ZFHX3: variants seen among roughly 807,000 people sequenced by gnomAD.
ZFHX3 encodes the protein zinc finger homeobox 3, also known as zinc finger homeobox protein 3.
ZFHX3 carries 42 observed loss-of-function variants against 279.1 expected under a neutral mutation model. That is an observed-to-expected ratio of 0.15 (90% CI 0.12 to 0.19). ZFHX3 has a LOEUF of 0.19. ZFHX3 is among the 10% of genes least tolerant of loss of function. ZFHX3 has a pLI of 1.00. For missense variants in ZFHX3, 4,981 were observed against 4,754.0 expected, an observed-to-expected ratio of 1.05 and a Z score of -1.40; for synonymous variants, 2,293 against 1,957.8, an observed-to-expected ratio of 1.17 and a Z score of -4.52.
chr16:73,695,234 TTTTTTTTG>T (rs2053186338), intron 1 of ZFHX3, among the ~76,000 whole-genome samples: 2 of 78,658 alleles, frequency 2.5e-5, no homozygotes, highest in Admixed American at 3.3e-4. Context: ...CAAATACAGT[TTTTTTTTG>T]TTTTTTTTTT....
chr16:73,650,059 A>G (rs2052656321), intron 2 of ZFHX3, among the ~76,000 whole-genome samples: 1 of 152,162 alleles, frequency 6.6e-6, no homozygotes, highest in South Asian at 2.1e-4. Flanking sequence ...ATGTCTTGTG[A>G]AGACCATGGT....
chr16:73,448,312 A>C (rs1434538726), intron 3 of ZFHX3, among the ~76,000 whole-genome samples: 1 of 152,244 alleles, frequency 6.6e-6, no homozygotes, highest in Non-Finnish European at 1.5e-5. Flanking sequence ...TTTTAGTACT[A>C]TGCCGTAGAA....
At chr16:73,781,882 G>A (rs1463247253) in intron 1 of ZFHX3, among the ~76,000 whole-genome samples, 1 of 152,152 alleles carries the variant, frequency 6.6e-6, no homozygotes, top group Non-Finnish European at 1.5e-5. Context: ...AGCTACTCAG[G>A]AGGTTGAGGC....
At chr16:73,475,118 T>C (rs2018742563) in intron 2 of ZFHX3, among the ~76,000 whole-genome samples, 1 of 152,194 alleles carries the variant, frequency 6.6e-6, no homozygotes, top group Non-Finnish European at 1.5e-5. Context: ...TTTTGCTGAG[T>C]AGTTCTTCAG....
At chr16:73,839,349 A>AT (rs1470982716) in intron 1 of ZFHX3, among the ~76,000 whole-genome samples, 2 of 138,134 alleles carry the variant, frequency 1.4e-5, no homozygotes, top group African/African-American at 5.2e-5. Context: ...AAAAAAAAAA[A>AT]AAAAAAAAAA....
rs182879470 is a variant in ZFHX3, at chr16:73,246,494, C to A, written c.-1104+10553G>T. On this transcript the variant is annotated intron_variant, in intron 5 of 17. Transcript: ENST00000641206. The stretch of plus-strand genomic sequence containing the variant: ...AGCTGGGTCATCGCCAGCCATCGAA[C>A]CCCGAGGTGCTGGGTGGGCCAGGCT... Among the ~76,000 whole-genome samples, 38 of 152,284 alleles carry A rather than the reference C, an allele frequency of 2.5e-4. No homozygotes were observed. In the East Asian group the frequency reaches 6.4e-3, roughly 26 times the overall value.
At chr16:73,602,122 AC>A (rs1382318334) in intron 2 of ZFHX3, among the ~76,000 whole-genome samples, 1 of 152,210 alleles carries the variant, frequency 6.6e-6, no homozygotes, top group Non-Finnish European at 1.5e-5. Context: ...ACAGAGTGAG[AC>A]CTTGTCTCAA....
Position 72,889,876 on chromosome 16 carries a change from G to C in ZFHX3, c.3303C>G (p.Leu1101=), listed in dbSNP as rs375352831. ...TGGAGCGCACATGCTGGATGAGGTTGAGCTTGGCCTTGGTGGAGTAGTTGC... is the reference window on the plus strand; with the variant it reads ...TGGAGCGCACATGCTGGATGAGGTTCAGCTTGGCCTTGGTGGAGTAGTTGC... ...VLCNYSTKAK[L]NLIQHVRSMK... The change falls in exon 4 of 10, where the codon CTC becomes CTG. Residue 1101 remains leucine (L), a synonymous_variant. Coordinates refer to ENST00000268489, the MANE Select transcript of ZFHX3 (RefSeq NM_006885.4). The C allele has an allele frequency of 6.2e-7, 1 of 1,614,190 alleles. No homozygotes were observed. Among genetic ancestry groups the C allele is most frequent in the Admixed American group, 1.7e-5 (1 of 60,034 alleles).
intron 1 of ZFHX3, among the ~76,000 whole-genome samples, chr16:73,784,806 T>TAC (rs1567409723): frequency 8.2e-6 from 1 of 121,736 alleles, no homozygotes; most frequent in African/African-American, 4.2e-5. Flanking sequence ...AATATATATA[T>TAC]ATATATATAT....
chr16:73,424,595 TTGGTGAGGCA>T (rs1013155761), intron 3 of ZFHX3, among the ~76,000 whole-genome samples: 28 of 150,830 alleles, frequency 1.9e-4, no homozygotes, highest in South Asian at 4.2e-4. Context: ...AAATGAAAAA[TTGGTGAGGCA>T]TGGTGAGGCA....
intron 2 of ZFHX3, among the ~76,000 whole-genome samples, chr16:73,527,260 G>A (rs56926328): frequency 2.6e-5 from 4 of 152,138 alleles, no homozygotes; most frequent in African/African-American, 9.7e-5. Context: ...GTGACACTCA[G>A]GATGTGAAGG....
At chr16:73,531,992 G>T (rs1011076931) in intron 2 of ZFHX3, among the ~76,000 whole-genome samples, 18 of 151,876 alleles carry the variant, frequency 1.2e-4, no homozygotes, top group African/African-American at 4.4e-4. Context: ...GAAGGCTGAA[G>T]TGGGAAAATG....
chr16:72,977,720 C>A (rs916668420), intron 1 of ZFHX3, among the ~76,000 whole-genome samples: 3 of 152,062 alleles, frequency 2.0e-5, no homozygotes, highest in African/African-American at 7.2e-5. Context: ...GCATATCACA[C>A]AGAAATTCTA....
At position 72,795,469 on chromosome 16, in the gene ZFHX3, C is replaced by T. The variant is rs201280219; in HGVS notation, c.7213G>A (p.Ala2405Thr). The T allele has an allele frequency of 4.6e-5, 74 of 1,614,086 alleles. No homozygotes were observed. The highest frequency in any genetic ancestry group is 1.6e-4 in the Middle Eastern group (1 of 6,062). ...APSANNTASS[A>T]FLQLTAEAEE... is the part of the protein sequence containing the mutation. Reference sequence around the variant, plus strand: ...GCCTCCGCTGTAAGCTGCAAGAAAGCGGAGGAAGCTGTATTATTGGCTGAT... The same window carrying T: ...GCCTCCGCTGTAAGCTGCAAGAAAGTGGAGGAAGCTGTATTATTGGCTGAT... The change falls in exon 9 of 10, where the codon GCT (alanine) becomes ACT (threonine). Residue 2405 changes from alanine to threonine, a missense_variant. Coordinates refer to ENST00000268489, the MANE Select transcript of ZFHX3 (RefSeq NM_006885.4).
intron 3 of ZFHX3, among the ~76,000 whole-genome samples, chr16:73,414,322 C>T (rs563292611): frequency 6.6e-6 from 1 of 152,328 alleles, no homozygotes; most frequent in African/African-American, 2.4e-5. Flanking sequence ...TTATCGACCA[C>T]CTACTATGTG....
At chr16:73,465,025 G>C (rs904960271) in intron 2 of ZFHX3, among the ~76,000 whole-genome samples, 2 of 152,184 alleles carry the variant, frequency 1.3e-5, no homozygotes, top group South Asian at 4.2e-4. Context: ...CCCTAAGCAG[G>C]CTGGCACGAT....
intron 1 of ZFHX3, among the ~76,000 whole-genome samples, chr16:73,832,844 A>G (rs908797234): frequency 1.3e-5 from 2 of 152,078 alleles, no homozygotes; most frequent in Admixed American, 6.6e-5. Context: ...ATATTACTAG[A>G]TTTTTTTCTC....
At chr16:73,379,260 G>T (rs1340635877) in intron 3 of ZFHX3, among the ~76,000 whole-genome samples, 1 of 152,120 alleles carries the variant, frequency 6.6e-6, no homozygotes, top group Non-Finnish European at 1.5e-5. Flanking sequence ...GCTGAAGTTG[G>T]TAAGCAGCCA....
At chr16:73,473,113 G>A (rs141287956) in intron 2 of ZFHX3, among the ~76,000 whole-genome samples, 86 of 151,750 alleles carry the variant, frequency 5.7e-4, no homozygotes, top group Non-Finnish European at 1.1e-3. Flanking sequence ...GGCTGAGGTA[G>A]GAGGATCACT....
Sources: allele counts gnomAD v4.1 joint callset (sites outside exome capture counted in the v4.1 genomes callset), GRCh38; gene constraint gnomAD v4.1.1; transcripts MANE v1.5; gene names NCBI Gene and HGNC (gene_info 2026-07-23, HGNC 2026-07-21).